AKAP13: variants seen among roughly 807,000 people sequenced by gnomAD.
The protein encoded by AKAP13 is A-kinase anchor protein 13.
Under a neutral mutation model 264.5 loss-of-function variants are expected in AKAP13, and 80 were observed. The ratio of observed to expected loss-of-function variants is 0.30; its 90% CI spans 0.25 to 0.36. The LOEUF is 0.36. AKAP13 is among the 10% of genes least tolerant of loss of function. The pLI, the probability that AKAP13 is intolerant of heterozygous loss-of-function variation, is 1.00. For missense variants in AKAP13, 3,712 were observed against 3,435.2 expected, an observed-to-expected ratio of 1.08 and a Z score of -2.01; for synonymous variants, 1,380 against 1,250.2, an observed-to-expected ratio of 1.10 and a Z score of -2.19.
chr15:85,442,596 A>C (rs1035958634), intron 1 of AKAP13, among the ~76,000 whole-genome samples: 3 of 144,452 alleles, frequency 2.1e-5, no homozygotes, highest in Admixed American at 1.4e-4. Flanking sequence ...AAAACATTTT[A>C]TTTTCTTTTT....
At chr15:85,617,520 G>A (rs549341600) in intron 8 of AKAP13, among the ~76,000 whole-genome samples, 4 of 152,290 alleles carry the variant, frequency 2.6e-5, no homozygotes, top group African/African-American at 4.8e-5. Context: ...GATTACAGGC[G>A]TGAGCCACCG....
intron 5 of AKAP13, among the ~76,000 whole-genome samples, chr15:85,552,720 C>T (rs983653369): frequency 1.3e-5 from 2 of 151,440 alleles, no homozygotes; most frequent in Non-Finnish European, 2.9e-5. Flanking sequence ...CTCCGCCTCC[C>T]GGGTTCAAGT....
chr15:85,560,751 T>C (rs1409552952), intron 5 of AKAP13, among the ~76,000 whole-genome samples: 1 of 152,236 alleles, frequency 6.6e-6, no homozygotes, highest in Admixed American at 6.5e-5. Context: ...GTGAGCCTTA[T>C]CTTTTACCTA....
intron 4 of AKAP13, among the ~76,000 whole-genome samples, chr15:85,538,689 C>T (rs2077483641): frequency 6.6e-6 from 1 of 151,036 alleles, no homozygotes; most frequent in African/African-American, 2.4e-5. Flanking sequence ...CGGGGTTTCA[C>T]TGTGTTAGCC....
intron 6 of AKAP13, among the ~76,000 whole-genome samples, chr15:85,577,247 A>G (rs570541296): frequency 6.6e-6 from 1 of 152,356 alleles, no homozygotes; most frequent in African/African-American, 2.4e-5. Context: ...TAAGTGCCCA[A>G]TATATTCACT....
chr15:85,620,015 A>G, intron 8 of AKAP13: 1 of 1,522,660 alleles, frequency 6.6e-7, no homozygotes, highest in African/African-American at 1.4e-5. Context: ...TTTGGAACTA[A>G]GGACTTGCAC....
In AKAP13 at chr15:85,607,006, A is replaced by G. The variant is rs1274024667; in HGVS notation, c.4161+21183A>G. On this transcript the variant is annotated intron_variant, in intron 8 of 36. Transcript: ENST00000394518. ...CTTGGGGATTGGCCAGGAAAAATCT[A>G]TAAATATCTGTCGTTTCTTCTTTCC... Among the ~76,000 whole-genome samples, 3 of 151,912 alleles carry G rather than the reference A, an allele frequency of 2.0e-5. No homozygotes were observed. The South Asian group carries it at 6.2e-4, about 32-fold the overall frequency.
intron 5 of AKAP13, among the ~76,000 whole-genome samples, chr15:85,558,965 C>T (rs12913556): frequency 0.2 from 30,746 of 151,580 alleles, 4,136 homozygotes; most frequent in Middle Eastern, 0.41. Context: ...CTCCCTTTGC[C>T]GTCCCCTCCC....
intron 15 of AKAP13, among the ~76,000 whole-genome samples, chr15:85,682,728 C>T (rs565293484): frequency 3.7e-4 from 56 of 152,066 alleles, no homozygotes; most frequent in African/African-American, 9.9e-4. Flanking sequence ...AGTGCAATGG[C>T]GCGATCTTGG....
intron 1 of AKAP13, among the ~76,000 whole-genome samples, chr15:85,438,476 T>A (rs2073438161): frequency 6.6e-6 from 1 of 150,718 alleles, no homozygotes; most frequent in African/African-American, 2.5e-5. Flanking sequence ...ACTTTAAAGT[T>A]CATATGGAAC....
chr15:85,672,752 T>C (rs1002089402), intron 14 of AKAP13, among the ~76,000 whole-genome samples: 1 of 152,262 alleles, frequency 6.6e-6, no homozygotes, highest in African/African-American at 2.4e-5. Flanking sequence ...GGCTTAAATC[T>C]GACTTCATTT....
At chr15:85,480,647 T>G (rs974716847) in intron 1 of AKAP13, among the ~76,000 whole-genome samples, 1 of 152,016 alleles carries the variant, frequency 6.6e-6, no homozygotes, top group Non-Finnish European at 1.5e-5. Context: ...AAAATATCTG[T>G]GAGATGTATA....
rs1486179316 is a variant in AKAP13 at position 85,747,658 on chromosome 15, A to G, written c.*2981A>G. ...CTCTCATCGGTTGGCTTCATTTTCA[A>G]GACAATCAAATGTATTGACTGTGTT... is the stretch of plus-strand genomic sequence containing the variant. On this transcript the variant is annotated 3_prime_UTR_variant, in exon 37 of 37. Coordinates refer to ENST00000394518, the MANE Select transcript of AKAP13 (RefSeq NM_007200.5). 2.6e-5 allele frequency: 4 copies of G among 152,618 alleles called. No individual in the cohort carries two copies. The highest frequency in any genetic ancestry group is 9.7e-5 in the African/African-American group (4 of 41,450). The allele number at this position is 152,618 out of a possible 1,614,324, so 9.5% of individuals were successfully genotyped here.
intron 5 of AKAP13, 120 bp downstream of exon 5, chr15:85,544,075 G>A (rs2151214762): frequency 8.1e-7 from 1 of 1,231,668 alleles, no homozygotes. Flanking sequence ...CCTCAGCTCT[G>A]TATCTTGCCT....
Position 85,722,491 on chromosome 15 carries a change from T to G in AKAP13, c.6496+144T>G, listed in dbSNP as rs1459558668. 4 of 720,068 alleles carry G rather than the reference T, an allele frequency of 5.6e-6. No individual in the cohort carries two copies. The African/African-American group carries it at 7.0e-5, about 13-fold the overall frequency. 44.6% of individuals were successfully genotyped at this position (720,068 alleles called of 1,614,324 possible). A position where few individuals can be genotyped will look rare whatever the true frequency, so the allele number is the denominator to read the frequency against. ...GTGTTTTATCTTGAATTTTGTTGAA[T>G]GAAAATTTGGACTGTTATGTTACCA... On this transcript the variant is annotated intron_variant, in intron 25 of 36. Transcript: ENST00000394518.
Position 85,722,327 on chromosome 15 carries a change from G to A in AKAP13, c.6476G>A (p.Arg2159Lys). The change falls in exon 25 of 37, where the codon AGA becomes AAA. Residue 2159 changes from arginine (R) to lysine (K), a missense_variant. This residue lies in a region of AKAP13 where 342 missense variants were observed against 484.3 expected (regional missense o/e 0.71). Transcript: ENST00000394518. ...RITKYPVLFQ[R>K]ILQCTKDNEV... Reference sequence around the variant, plus strand: ...ACCAAGTACCCAGTTTTATTCCAAAGAATATTGCAGTGTACCAAAGGTAAG... The same window carrying A: ...ACCAAGTACCCAGTTTTATTCCAAAAAATATTGCAGTGTACCAAAGGTAAG... The A allele has an allele frequency of 6.2e-7, 1 of 1,612,472 alleles. No homozygotes were observed.
At chr15:85,469,864 A>T (rs1035690181) in intron 1 of AKAP13, among the ~76,000 whole-genome samples, 2 of 152,238 alleles carry the variant, frequency 1.3e-5, no homozygotes, top group East Asian at 3.8e-4. Flanking sequence ...TTTAGCAGAG[A>T]ATTGTAGTAT....
At position 85,441,019 on chromosome 15, in the gene AKAP13, A is replaced by G. The variant is rs991903179; in HGVS notation, c.-11-44691A>G. On this transcript the variant is annotated intron_variant, in intron 1 of 36. Coordinates refer to ENST00000394518, the MANE Select transcript of AKAP13 (RefSeq NM_007200.5). ...AACTGATGTCATTGGTGTCATTCGA[A>G]GGTTTACACATTTCTGTTCACTTGA... Among the ~76,000 whole-genome samples the G allele has an allele frequency of 4.8e-4, 73 of 152,206 alleles. 1 individual carries two copies. Among genetic ancestry groups the G allele is most frequent in the Non-Finnish European group, 1.5e-5 (1 of 68,034 alleles).
chr15:85,533,552 A>T, intron 3 of AKAP13, 32 bp from the exon 4 acceptor site: 2 of 1,568,644 alleles, frequency 1.3e-6, no homozygotes, highest in Admixed American at 1.8e-5. Flanking sequence ...AGGCTCTAAT[A>T]CTGTTTTATT....
Sources: allele counts gnomAD v4.1 joint callset (sites outside exome capture counted in the v4.1 genomes callset), GRCh38; gene constraint gnomAD v4.1.1; regional missense constraint gnomAD v4.1.1; transcripts MANE v1.5; gene names NCBI Gene and HGNC (gene_info 2026-07-23, HGNC 2026-07-21).